The following RALGAPB variants were observed in gnomAD, a reference collection of about 807,000 sequenced individuals.
RALGAPB encodes the protein ral GTPase-activating protein subunit beta.
In RALGAPB, 25 loss-of-function variants were observed where a neutral mutation model predicts 161.1. The observed-to-expected ratio is 0.16, with a 90% CI of 0.11 to 0.22. The LOEUF (loss-of-function observed/expected upper bound fraction) is 0.22, where lower values mean the gene tolerates loss of function less well. Among genes scored for constraint, RALGAPB ranks in the 10% least tolerant of loss-of-function variants. RALGAPB has a pLI of 1.00. For missense variants in RALGAPB, 1,391 were observed against 1,815.2 expected, an observed-to-expected ratio of 0.77 and a Z score of 4.25; for synonymous variants, 629 against 626.1, an observed-to-expected ratio of 1.00 and a Z score of -0.07.
At chr20:38,538,287 G>C (rs2086867841) in intron 16 of RALGAPB, 1 of 190,646 alleles carries the variant, frequency 5.2e-6, no homozygotes, top group African/African-American at 2.3e-5. Context: ...GCTAAGACAG[G>C]GTGTGCTGGG....
intron 28 of RALGAPB, among the ~76,000 whole-genome samples, chr20:38,571,334 A>C (rs2088231163): frequency 6.6e-6 from 1 of 152,222 alleles, no homozygotes; most frequent in Admixed American, 6.5e-5. Context: ...CTTATCCTGC[A>C]TAACTGAAAC....
intron 25 of RALGAPB, among the ~76,000 whole-genome samples, 194 bp downstream of exon 25, chr20:38,565,672 T>C (rs2145507925): frequency 6.6e-6 from 1 of 152,364 alleles, no homozygotes; most frequent in East Asian, 1.9e-4. Flanking sequence ...ACAAGCAGAC[T>C]GACCCTCTAA....
intron 6 of RALGAPB, among the ~76,000 whole-genome samples, chr20:38,511,593 A>T (rs568981095): frequency 4.1e-4 from 62 of 152,248 alleles, no homozygotes; most frequent in African/African-American, 1.5e-3. Flanking sequence ...CACCGCCATT[A>T]ATCCATTTAA....
At chr20:38,509,315 C>G (rs984579930) in intron 6 of RALGAPB, 107 bp downstream of exon 6, 7 of 1,225,470 alleles carry the variant, frequency 5.7e-6, no homozygotes, top group Admixed American at 2.1e-5. Context: ...CACTAAGCCC[C>G]ATTCATCAAA....
In RALGAPB at chr20:38,499,562, G is replaced by A; in HGVS notation, c.669G>A (p.Met223Ile). 6 of 1,613,988 alleles carry A rather than the reference G, an allele frequency of 3.7e-6. No individual in the cohort carries two copies. Among genetic ancestry groups the A allele is most frequent in the Non-Finnish European group, 5.1e-6 (6 of 1,179,930 alleles). Reference protein sequence around the residue: ...TPPYWKTAKEMVANWRHHPAV... With the variant: ...TPPYWKTAKEIVANWRHHPAV... Reference sequence around the variant, plus strand: ...CTTATTGGAAAACAGCCAAGGAGATGGTGGCTAACTGGAGGCATCACCCAG... The same window carrying A: ...CTTATTGGAAAACAGCCAAGGAGATAGTGGCTAACTGGAGGCATCACCCAG... Residue 223 changes from methionine (M) to isoleucine (I), a missense_variant, in exon 5 of 30, where the codon ATG becomes ATA. Physicochemically the swap from Met to Ile is conservative, Grantham distance 10 (BLOSUM62 1). This residue lies in a region of RALGAPB where 946 missense variants were observed against 1,257.2 expected (regional missense o/e 0.75). Transcript: ENST00000262879.
chr20:38,528,272 A>G (rs1186563968), intron 13 of RALGAPB, among the ~76,000 whole-genome samples: 3 of 152,144 alleles, frequency 2.0e-5, no homozygotes, highest in Non-Finnish European at 4.4e-5. Context: ...CTGGTCTTTT[A>G]CACCAGTTAA....
intron 1 of RALGAPB, among the ~76,000 whole-genome samples, chr20:38,487,208 G>C (rs1319278642): frequency 1.3e-5 from 2 of 152,190 alleles, no homozygotes; most frequent in Admixed American, 1.3e-4. Context: ...TGCTGGGCTT[G>C]AGCAATCATC....
chr20:38,495,878 G>A (rs1008797249), intron 3 of RALGAPB, among the ~76,000 whole-genome samples: 1 of 152,110 alleles, frequency 6.6e-6, no homozygotes, highest in African/African-American at 2.4e-5. Flanking sequence ...CTGTCATTGG[G>A]CAAATACCTG....
intron 5 of RALGAPB, among the ~76,000 whole-genome samples, chr20:38,504,777 AC>A (rs2085704698): frequency 6.7e-6 from 1 of 148,266 alleles, no homozygotes; most frequent in Admixed American, 6.6e-5. Context: ...ACATGAACAG[AC>A]ACTTATCAAA....
chr20:38,525,607 CT>C (rs1801892182), intron 12 of RALGAPB, 89 bp downstream of exon 12: 3 of 1,027,476 alleles, frequency 2.9e-6, no homozygotes, highest in African/African-American at 1.7e-5. Context: ...GAAACAGGAG[CT>C]TTTTTTATTT....
chr20:38,525,940 G>GATA lies in RALGAPB; in HGVS notation c.1950_1952dup (p.Asp650_Lys651insAsn), dbSNP rs1370013885. On this transcript the variant is annotated inframe_insertion, in exon 13 of 30. Coordinates refer to ENST00000262879, the MANE Select transcript of RALGAPB (RefSeq NM_020336.4). ...TAGTAACGATGACAGCTCTTCTTAT[G>GATA]ATAAACCAATAACTTTTCTGTCCCT... 1.5e-5 allele frequency: 24 copies of GATA among 1,613,752 alleles called. No homozygotes were observed. Among genetic ancestry groups the GATA allele is most frequent in the Non-Finnish European group, 1.9e-5 (22 of 1,179,826 alleles).
At chr20:38,516,080 C>G in intron 6 of RALGAPB, 112 bp from the exon 7 acceptor site, 2 of 801,730 alleles carry the variant, frequency 2.5e-6, no homozygotes, top group East Asian at 5.8e-5. Context: ...AAATCAGTCT[C>G]TTTTCTGAAT....
chr20:38,578,821 C>T lies in RALGAPB; in HGVS notation c.*3854C>T, dbSNP rs1000148840. The T allele has an allele frequency of 2.0e-5, 3 of 152,576 alleles. No individual in the cohort carries two copies. The highest frequency in any genetic ancestry group is 2.9e-5 in the Non-Finnish European group (2 of 68,046). The allele number at this position is 152,576 out of a possible 1,614,324, so 9.5% of individuals were successfully genotyped here. On this transcript the variant is annotated 3_prime_UTR_variant, in exon 30 of 30. Coordinates refer to ENST00000262879, the MANE Select transcript of RALGAPB (RefSeq NM_020336.4). ...AGCCCATGGAATATTGAATGTAATA[C>T]ATTTAGTCAATTAAATTTTAAGGAG...
At chr20:38,532,907 A>G (rs1334630740) in intron 15 of RALGAPB, 48 bp downstream of exon 15, 3 of 1,565,512 alleles carry the variant, frequency 1.9e-6, no homozygotes, top group Non-Finnish European at 2.6e-6. Context: ...AATGACTTTA[A>G]TGCTTACATT....
chr20:38,560,279 C>T (rs2087742382), intron 23 of RALGAPB, among the ~76,000 whole-genome samples: 1 of 152,040 alleles, frequency 6.6e-6, no homozygotes, highest in Admixed American at 6.6e-5. Flanking sequence ...TTAATAGGGT[C>T]ATTAAAGCAT....
chr20:38,546,611 A>G lies in RALGAPB; in HGVS notation c.2902+181A>G, dbSNP rs73905641. The G allele has an allele frequency of 4.1e-3, 2,946 of 713,948 alleles. 59 individuals are homozygous for G. The African/African-American group carries it at 0.046, about 11-fold the overall frequency. The allele number at this position is 713,948 out of a possible 1,614,324, so 44.2% of individuals were successfully genotyped here. On this transcript the variant is annotated intron_variant, in intron 19 of 29. Coordinates refer to ENST00000262879, the MANE Select transcript of RALGAPB (RefSeq NM_020336.4). ...CAAAAAAATAGAATATACATATTAC[A>G]TAGAGTCTTTTAAAGGCTCTTGATG...
At chr20:38,556,656 G>A (rs1458379696) in intron 22 of RALGAPB, among the ~76,000 whole-genome samples, 1 of 151,878 alleles carries the variant, frequency 6.6e-6, no homozygotes, top group Non-Finnish European at 1.5e-5. Flanking sequence ...CAATTATTAA[G>A]AGATATAAAA....
intron 3 of RALGAPB, among the ~76,000 whole-genome samples, chr20:38,493,972 A>T (rs1334838516): frequency 6.6e-6 from 1 of 152,164 alleles, no homozygotes; most frequent in Non-Finnish European, 1.5e-5. Flanking sequence ...CTTTCCCATC[A>T]TGATGTCTTT....
rs762666905 is a variant in RALGAPB, at chr20:38,488,583, G to C, written c.151G>C (p.Ala51Pro). 2 of 1,613,176 alleles carry C rather than the reference G, an allele frequency of 1.2e-6. No individual in the cohort carries two copies. ...LGQVLGTPSV[A>P]GSENLLKTDK... is the part of the protein sequence containing the mutation. ...GCAGGTGTTAGGTACCCCTTCAGTGGCTGGTAGTGAGAATTTGTTAAAAAC... is the reference window on the plus strand; with the variant it reads ...GCAGGTGTTAGGTACCCCTTCAGTGCCTGGTAGTGAGAATTTGTTAAAAAC... Residue 51 changes from alanine to proline, a missense_variant, in exon 2 of 30, where the codon GCT becomes CCT. Around this residue, in one of 3 missense-constraint regions of RALGAPB, gnomAD observed 946 missense variants for 1,257.2 expected, o/e 0.75. Coordinates refer to ENST00000262879, the MANE Select transcript of RALGAPB (RefSeq NM_020336.4).
Sources: allele counts gnomAD v4.1 joint callset (sites outside exome capture counted in the v4.1 genomes callset), GRCh38; gene constraint gnomAD v4.1.1; regional missense constraint gnomAD v4.1.1; transcripts MANE v1.5; gene names NCBI Gene and HGNC (gene_info 2026-07-23, HGNC 2026-07-21).